DTD1: variants seen among roughly 807,000 people sequenced by gnomAD.
DTD1 encodes the protein D-tyrosyl-tRNA deacylase 1 homolog.
Under a neutral mutation model 25.6 loss-of-function variants are expected in DTD1, and 13 were observed. The ratio of observed to expected loss-of-function variants is 0.51; its 90% CI spans 0.33 to 0.81. DTD1 has a LOEUF of 0.81. DTD1 is among the 30% of genes least tolerant of loss of function. The pLI is 0.02. For missense variants in DTD1, 193 were observed against 266.4 expected, an observed-to-expected ratio of 0.72 and a Z score of 1.92; for synonymous variants, 110 against 103.6, an observed-to-expected ratio of 1.06 and a Z score of -0.37.
At chr20:18,720,241 G>A (rs1325302957) in intron 4 of DTD1, among the ~76,000 whole-genome samples, 1 of 152,110 alleles carries the variant, frequency 6.6e-6, no homozygotes, top group Admixed American at 6.5e-5. Flanking sequence ...TTAGTAGGGA[G>A]GAAAATGACC....
At chr20:18,648,050 A>T (rs1474146840) in intron 4 of DTD1, among the ~76,000 whole-genome samples, 1 of 152,132 alleles carries the variant, frequency 6.6e-6, no homozygotes, top group Non-Finnish European at 1.5e-5. Flanking sequence ...TGTTCACCTG[A>T]TCCCTTCTCT....
intron 4 of DTD1, among the ~76,000 whole-genome samples, chr20:18,703,319 C>T (rs1473057240): frequency 6.6e-6 from 1 of 152,036 alleles, no homozygotes; most frequent in Non-Finnish European, 1.5e-5. Context: ...CGTGTGGAGA[C>T]CTGTCTTGAT....
At chr20:18,702,870 G>A (rs2061111730) in intron 4 of DTD1, among the ~76,000 whole-genome samples, 1 of 152,008 alleles carries the variant, frequency 6.6e-6, no homozygotes, top group Admixed American at 6.6e-5. Flanking sequence ...CATGCGTCCT[G>A]TTTTATGAGA....
At chr20:18,668,859 C>CT (rs1223381058) in intron 4 of DTD1, among the ~76,000 whole-genome samples, 22 of 152,330 alleles carry the variant, frequency 1.4e-4, no homozygotes, top group African/African-American at 5.1e-4. Context: ...TAAAGGTTTT[C>CT]TTTTCAGCTT....
rs902431806 is a variant in DTD1 at position 18,759,603 on chromosome 20, C to T, written c.*20-3757C>T. Reference sequence around the variant, plus strand: ...CTTGTAGAGTTTCTGCCGAGAGATCCGCTGTTAGTCTGATGGGCTTCCCTT... The same window carrying T: ...CTTGTAGAGTTTCTGCCGAGAGATCTGCTGTTAGTCTGATGGGCTTCCCTT... On this transcript the variant is annotated intron_variant, in intron 5 of 5. Transcript: ENST00000377452. 6.6e-4 allele frequency among the ~76,000 whole-genome samples: 101 copies of T among 152,302 alleles called. 1 individual carries two copies. In the East Asian group the frequency reaches 0.015, roughly 23 times the overall value.
At chr20:18,701,196 A>C (rs1260230665) in intron 4 of DTD1, among the ~76,000 whole-genome samples, 3 of 152,134 alleles carry the variant, frequency 2.0e-5, no homozygotes, top group Non-Finnish European at 4.4e-5. Flanking sequence ...AGAACCTAGC[A>C]TTGTCTGTGG....
chr20:18,763,606 G>A lies in DTD1; in HGVS notation c.*266G>A, dbSNP rs1057466538. ...CGCATGTGGTAGAAGGTGTGCGCTC[G>A]TGCCTCCCCCACAGAAAGGCTTTGT... On this transcript the variant is annotated 3_prime_UTR_variant, in exon 6 of 6. Coordinates refer to ENST00000377452, the MANE Select transcript of DTD1 (RefSeq NM_080820.6). The A allele has an allele frequency of 3.9e-5, 6 of 152,656 alleles. No individual in the cohort carries two copies. The highest frequency in any genetic ancestry group is 6.5e-5 in the Admixed American group (1 of 15,284). 9.5% of individuals were successfully genotyped at this position (152,656 alleles called of 1,614,324 possible).
chr20:18,685,155 C>T (rs1411937175), intron 4 of DTD1, among the ~76,000 whole-genome samples: 1 of 152,154 alleles, frequency 6.6e-6, no homozygotes, highest in African/African-American at 2.4e-5. Flanking sequence ...CTCCCAATTA[C>T]TGAGTTTACA....
intron 5 of DTD1, among the ~76,000 whole-genome samples, chr20:18,754,229 G>A (rs2061330907): frequency 6.6e-6 from 1 of 152,178 alleles, no homozygotes; most frequent in South Asian, 2.1e-4. Context: ...GGCTGTGAAG[G>A]GTTTCCTTTC....
At chr20:18,755,491 T>C (rs941915195) in intron 5 of DTD1, among the ~76,000 whole-genome samples, 2 of 152,162 alleles carry the variant, frequency 1.3e-5, no homozygotes, top group Non-Finnish European at 2.9e-5. Context: ...CATTGTTCAG[T>C]TCCCACCTAT....
intron 3 of DTD1, among the ~76,000 whole-genome samples, chr20:18,613,320 G>T (rs2060695482): frequency 2.0e-5 from 3 of 152,218 alleles, no homozygotes. Flanking sequence ...TACTAAACTA[G>T]TGTGGCTGTT....
At position 18,708,607 on chromosome 20, in the gene DTD1, C is replaced by T. The variant is rs547969230; in HGVS notation, c.478-35493C>T. ...CTGACCTCAAGTGATCTGCCCGCCT[C>T]GGCCTCCCAAAGTGCTGAGATTCCA... On this transcript the variant is annotated intron_variant, in intron 4 of 5. Transcript: ENST00000377452. Among the ~76,000 whole-genome samples, 53 of 151,520 alleles carry T rather than the reference C, an allele frequency of 3.5e-4. 2 individuals carry two copies. The South Asian group carries it at 5.8e-3, about 17-fold the overall frequency.
rs760023541 is a variant in DTD1 at position 18,596,084 on chromosome 20, G to A, written c.213G>A (p.Gln71=). 1.9e-6 allele frequency: 3 copies of A among 1,614,186 alleles called. No homozygotes were observed. Among genetic ancestry groups the A allele is most frequent in the South Asian group, 2.2e-5 (2 of 91,086 alleles). ...GGTCGAAGAGTGTGATGGACAAACA[G>A]TACGAGATTCTGTGTGTCAGCCAGT... ...KHWSKSVMDK[Q]YEILCVSQFT... is the part of the protein sequence containing the mutation. The change falls in exon 3 of 6, where the codon CAG becomes CAA. Residue 71 remains glutamine (Q), a synonymous_variant. Coordinates refer to ENST00000377452, the MANE Select transcript of DTD1 (RefSeq NM_080820.6).
At chr20:18,616,813 AT>A (rs34278662) in intron 3 of DTD1, among the ~76,000 whole-genome samples, 14 of 152,118 alleles carry the variant, frequency 9.2e-5, no homozygotes, top group Non-Finnish European at 4.4e-5. Context: ...TCTCTAAAAA[AT>A]TTTTTTAAAA....
At chr20:18,669,404 T>C (rs2060943917) in intron 4 of DTD1, among the ~76,000 whole-genome samples, 1 of 152,162 alleles carries the variant, frequency 6.6e-6, no homozygotes, top group Non-Finnish European at 1.5e-5. Flanking sequence ...GAAGGCCAGG[T>C]ATTTCCGCCT....
At chr20:18,759,772 A>G (rs1252337970) in intron 5 of DTD1, among the ~76,000 whole-genome samples, 2 of 152,148 alleles carry the variant, frequency 1.3e-5, no homozygotes, top group African/African-American at 2.4e-5. Flanking sequence ...CTGAATGTGA[A>G]TGTTGGCCTG....
At chr20:18,651,725 G>T (rs1407882701) in intron 4 of DTD1, among the ~76,000 whole-genome samples, 1 of 152,300 alleles carries the variant, frequency 6.6e-6, no homozygotes, top group South Asian at 2.1e-4. Flanking sequence ...ACTTTTCAAA[G>T]CTCTCCAGGT....
At chr20:18,624,690 C>T (rs2060750370) in intron 3 of DTD1, among the ~76,000 whole-genome samples, 1 of 152,172 alleles carries the variant, frequency 6.6e-6, no homozygotes, top group Admixed American at 6.5e-5. Flanking sequence ...TTCAACCCTA[C>T]AGAGTTATCC....
chr20:18,761,980 G>A (rs2122545048), intron 5 of DTD1, among the ~76,000 whole-genome samples: 1 of 152,354 alleles, frequency 6.6e-6, no homozygotes, highest in Non-Finnish European at 1.5e-5. Context: ...TCTTACAGGT[G>A]GGTTTGGGTG....
Sources: gnomAD v4.1 joint callset for allele counts (sites outside exome capture counted in the v4.1 genomes callset) on GRCh38, gnomAD v4.1.1 for gene constraint, MANE v1.5 for transcripts, NCBI Gene and HGNC (gene_info 2026-07-23, HGNC 2026-07-21) for gene names.